The following TCF4 variants were observed in gnomAD, a reference collection of about 807,000 sequenced individuals.
The protein encoded by TCF4 is transcription factor 4.
A neutral mutation model predicts 82.1 loss-of-function variants in TCF4; 3 were observed. That is an observed-to-expected ratio of 0.04 (90% CI 0.02 to 0.09). TCF4 has a LOEUF of 0.09. Ranked by LOEUF, TCF4 falls within the 10% of genes least tolerant of loss-of-function variation. TCF4 has a pLI of 1.00. For missense variants in TCF4, 518 were observed against 852.7 expected, an observed-to-expected ratio of 0.61 and a Z score of 4.89; for synonymous variants, 276 against 309.6, an observed-to-expected ratio of 0.89 and a Z score of 1.14.
intron 11 of TCF4, chr18:55,269,619 C>T (rs1034413122): frequency 2.9e-5 from 18 of 626,856 alleles, no homozygotes; most frequent in East Asian, 1.8e-4. Context: ...CAACGTAGAA[C>T]GTAGCTAAAT....
At chr18:55,525,617 C>CA (rs2096974594) in intron 3 of TCF4, among the ~76,000 whole-genome samples, 3 of 152,102 alleles carry the variant, frequency 2.0e-5, no homozygotes, top group African/African-American at 7.2e-5. Flanking sequence ...GCACAAGAGG[C>CA]AAAAGAGGTC....
chr18:55,362,507 G>T (rs2085731969), intron 6 of TCF4, among the ~76,000 whole-genome samples: 1 of 151,512 alleles, frequency 6.6e-6, no homozygotes, highest in African/African-American at 2.4e-5. Context: ...ACTGAAACAG[G>T]GACTGTCTCT....
At chr18:55,313,790 T>C (rs928821735) in intron 8 of TCF4, among the ~76,000 whole-genome samples, 2 of 152,180 alleles carry the variant, frequency 1.3e-5, no homozygotes, top group Non-Finnish European at 2.9e-5. Flanking sequence ...AAGTATAATC[T>C]TATACCAAAG....
At chr18:55,419,664 T>C (rs2094655798) in intron 5 of TCF4, among the ~76,000 whole-genome samples, 1 of 152,192 alleles carries the variant, frequency 6.6e-6, no homozygotes, top group South Asian at 2.1e-4. Flanking sequence ...AGTTACTTCC[T>C]AATCCTAAGT....
rs565085941 is a variant in TCF4, at chr18:55,499,076, T to C, written c.146-34939A>G. The stretch of plus-strand genomic sequence containing the variant: ...CCTTTTCCAGAACAGGTCCAAGAAA[T>C]GCAAATGTTAGCCAATGTAATGAAA... On this transcript the variant is annotated intron_variant, in intron 3 of 19. Transcript: ENST00000354452. Among the ~76,000 whole-genome samples the C allele has an allele frequency of 8.5e-5, 13 of 152,270 alleles. No homozygotes were observed. In the East Asian group the frequency reaches 1.7e-3, roughly 20 times the overall value.
At chr18:55,510,541 G>C (rs2096815481) in intron 3 of TCF4, 1 of 1,410,364 alleles carries the variant, frequency 7.1e-7, no homozygotes, top group Non-Finnish European at 9.5e-7. Flanking sequence ...TTTTAATCAA[G>C]AGTAAGCTTT....
intron 2 of TCF4, among the ~76,000 whole-genome samples, chr18:55,604,114 AATT>A (rs1178488652): frequency 6.6e-6 from 1 of 152,186 alleles, no homozygotes; most frequent in Admixed American, 6.5e-5. Context: ...ATGACTGGGT[AATT>A]ATTATTTTGC....
chr18:55,458,285 T>G (rs530497240), intron 5 of TCF4, among the ~76,000 whole-genome samples: 1 of 152,344 alleles, frequency 6.6e-6, no homozygotes, highest in Admixed American at 6.5e-5. Context: ...AAACAAATAC[T>G]TTGTAGTTTT....
At chr18:55,565,828 C>T (rs1406045500) in intron 3 of TCF4, among the ~76,000 whole-genome samples, 1 of 151,526 alleles carries the variant, frequency 6.6e-6, no homozygotes, top group Non-Finnish European at 1.5e-5. Flanking sequence ...AACTGGAGGT[C>T]ACTATCTTAG....
intron 8 of TCF4, among the ~76,000 whole-genome samples, chr18:55,318,800 C>T (rs2074784024): frequency 6.6e-6 from 1 of 152,074 alleles, no homozygotes; most frequent in Non-Finnish European, 1.5e-5. Flanking sequence ...TATATTTCTG[C>T]TAGAAAGTTA....
intron 6 of TCF4, among the ~76,000 whole-genome samples, chr18:55,367,081 T>TAGGACC (rs2087383341): frequency 6.6e-6 from 1 of 152,212 alleles, no homozygotes; most frequent in Non-Finnish European, 1.5e-5. Context: ...TCATCTCCCT[T>TAGGACC]AGGACCCAAG....
chr18:55,613,440 C>T (rs754223616), intron 2 of TCF4, among the ~76,000 whole-genome samples: 44 of 152,036 alleles, frequency 2.9e-4, no homozygotes, highest in Non-Finnish European at 6.0e-4. Flanking sequence ...ATGATTCATC[C>T]ATGTTGTTTC....
chr18:55,333,824 G>A (rs931132509), intron 8 of TCF4, among the ~76,000 whole-genome samples: 9 of 152,216 alleles, frequency 5.9e-5, no homozygotes, highest in African/African-American at 2.2e-4. Flanking sequence ...GCTCTCTGTT[G>A]TTGAGTTTGA....
At chr18:55,538,984 A>G (rs754457239) in intron 3 of TCF4, among the ~76,000 whole-genome samples, 1 of 151,990 alleles carries the variant, frequency 6.6e-6, no homozygotes, top group Admixed American at 6.6e-5. Flanking sequence ...CAGCAATATG[A>G]TGGTTCAAAT....
intron 2 of TCF4, among the ~76,000 whole-genome samples, chr18:55,605,355 G>T (rs1414542380): frequency 6.6e-6 from 1 of 152,228 alleles, no homozygotes; most frequent in Admixed American, 6.5e-5. Flanking sequence ...TCTAGCAAGA[G>T]CATTGTACAG....
At chr18:55,550,785 T>TA (rs2097253787) in intron 3 of TCF4, 1 of 152,242 alleles carries the variant, frequency 6.6e-6, no homozygotes, top group East Asian at 1.9e-4. Flanking sequence ...AATCAGCTGT[T>TA]ACGCCCAACC....
At chr18:55,257,270 A>G (rs2057078768) in intron 14 of TCF4, 45 bp downstream of exon 14, 1 of 1,582,890 alleles carries the variant, frequency 6.3e-7, no homozygotes, top group East Asian at 2.2e-5. Flanking sequence ...AAGAAAGAAC[A>G]TGACCTGAAA....
chr18:55,444,713 A>C (rs1280058487), intron 5 of TCF4, among the ~76,000 whole-genome samples: 1 of 152,204 alleles, frequency 6.6e-6, no homozygotes, highest in Non-Finnish European at 1.5e-5. Flanking sequence ...CAACTATGAA[A>C]TATTAATATT....
intron 2 of TCF4, among the ~76,000 whole-genome samples, chr18:55,622,150 TACACACACAC>T (rs10654991): frequency 2.9e-5 from 4 of 139,516 alleles, no homozygotes; most frequent in Non-Finnish European, 4.6e-5. Context: ...CCTTCAAGAT[TACACACACAC>T]ACACACACAC....
Sources: gnomAD v4.1 joint callset for allele counts (sites outside exome capture counted in the v4.1 genomes callset) on GRCh38, gnomAD v4.1.1 for gene constraint, MANE v1.5 for transcripts, NCBI Gene and HGNC (gene_info 2026-07-23, HGNC 2026-07-21) for gene names.